SYT9: variants seen among roughly 807,000 people sequenced by gnomAD.
SYT9 encodes the protein synaptotagmin-9.
In SYT9, 22 loss-of-function variants were observed where a neutral mutation model predicts 48.4. That is an observed-to-expected ratio of 0.45 (90% CI 0.32 to 0.65). The LOEUF is 0.65. Ranked by LOEUF, SYT9 falls within the 30% of genes least tolerant of loss-of-function variation. The pLI is 0.03. For synonymous variants in SYT9, 265 were observed against 245.0 expected (o/e 1.08, Z -0.76); for missense variants, 577 against 622.0 (o/e 0.93, Z 0.77).
At chr11:7,349,704 A>G (rs1197867843) in intron 3 of SYT9, among the ~76,000 whole-genome samples, 2 of 152,164 alleles carry the variant, frequency 1.3e-5, no homozygotes, top group Non-Finnish European at 2.9e-5. Context: ...CTTAATTTTC[A>G]CAGAAGTGAA....
At chr11:7,239,031 C>T (rs1033703861) in intron 1 of SYT9, 24 of 431,156 alleles carry the variant, frequency 5.6e-5, no homozygotes, top group Non-Finnish European at 1.1e-4. Context: ...GCTGACAGAA[C>T]ATGGATATTG....
rs751365808 is a variant in SYT9, at chr11:7,303,205, A to T, written c.312A>T (p.Thr104=). The T allele has an allele frequency of 5.0e-6, 8 of 1,614,056 alleles. No homozygotes were observed. Among genetic ancestry groups the T allele is most frequent in the Non-Finnish European group, 6.8e-6 (8 of 1,180,042 alleles). Residue 104 remains threonine (T), a synonymous_variant, in exon 2 of 7, where the codon ACA becomes ACT. Transcript: ENST00000318881. ...AGGAGCCCCTTAACTACATGGACACAGAGACCAATGAGCAGGAGAACAGTG... is the reference window on the plus strand; with the variant it reads ...AGGAGCCCCTTAACTACATGGACACTGAGACCAATGAGCAGGAGAACAGTG... ...NNQEPLNYMD[T]ETNEQENSED...
In SYT9 at chr11:7,468,251, G is replaced by A; in HGVS notation, c.*1451G>A. 2 of 398,646 alleles carry A rather than the reference G, an allele frequency of 5.0e-6. No individual in the cohort carries two copies. Among genetic ancestry groups the A allele is most frequent in the Non-Finnish European group, 8.8e-6 (2 of 226,078 alleles). The allele number at this position is 398,646 out of a possible 1,614,324, so 24.7% of individuals were successfully genotyped here. A position where few individuals can be genotyped will look rare whatever the true frequency, so the allele number is the denominator to read the frequency against. On this transcript the variant is annotated 3_prime_UTR_variant, in exon 7 of 7. Coordinates refer to ENST00000318881, the MANE Select transcript of SYT9 (RefSeq NM_175733.4). ...TCAGCATGGAACTAACTGGGCGGAG[G>A]AAGGATCGTTATACGTCTTCAGAAA...
intron 3 of SYT9, among the ~76,000 whole-genome samples, chr11:7,405,027 C>G (rs1300147890): frequency 6.6e-6 from 1 of 151,214 alleles, no homozygotes; most frequent in Non-Finnish European, 1.5e-5. Flanking sequence ...GTTTTTCTTC[C>G]CCTTGTGCTT....
intron 6 of SYT9, among the ~76,000 whole-genome samples, chr11:7,430,378 A>C (rs1347587123): frequency 6.6e-6 from 1 of 152,230 alleles, no homozygotes; most frequent in Non-Finnish European, 1.5e-5. Flanking sequence ...TATATGGTAC[A>C]CTATGATGAG....
intron 1 of SYT9, among the ~76,000 whole-genome samples, chr11:7,240,791 CTCT>C (rs1466426034): frequency 6.6e-6 from 1 of 151,858 alleles, no homozygotes; most frequent in Non-Finnish European, 1.5e-5. Context: ...TAAGATATAC[CTCT>C]TCTTCTAATT....
intron 1 of SYT9, among the ~76,000 whole-genome samples, chr11:7,292,688 T>C (rs534470684): frequency 2.0e-4 from 31 of 152,340 alleles, no homozygotes; most frequent in African/African-American, 6.7e-4. Context: ...GGTCTAAAAC[T>C]CTGCACATCA....
chr11:7,423,992 CAG>C (rs201281570), intron 6 of SYT9, among the ~76,000 whole-genome samples: 7 of 152,042 alleles, frequency 4.6e-5, no homozygotes. Context: ...GTATGGAAGA[CAG>C]AGAGAGAGGG....
At chr11:7,301,456 G>A (rs952179737) in intron 1 of SYT9, among the ~76,000 whole-genome samples, 1 of 152,126 alleles carries the variant, frequency 6.6e-6, no homozygotes, top group Non-Finnish European at 1.5e-5. Flanking sequence ...TTGCAGGAGG[G>A]GTTCCCATGC....
At chr11:7,452,231 T>C (rs1848069130) in intron 6 of SYT9, among the ~76,000 whole-genome samples, 2 of 152,164 alleles carry the variant, frequency 1.3e-5, no homozygotes, top group Non-Finnish European at 2.9e-5. Context: ...AATTAACATG[T>C]AGAAAATCTA....
intron 3 of SYT9, among the ~76,000 whole-genome samples, chr11:7,317,594 A>G (rs767887873): frequency 2.6e-4 from 40 of 152,156 alleles, no homozygotes; most frequent in African/African-American, 5.6e-4. Flanking sequence ...CAAAAGCTTC[A>G]TTTCCAAATA....
chr11:7,278,184 A>G (rs1848432465), intron 1 of SYT9, among the ~76,000 whole-genome samples: 1 of 152,128 alleles, frequency 6.6e-6, no homozygotes, highest in Non-Finnish European at 1.5e-5. Context: ...TGAGCATGCT[A>G]ATGTGTTAGC....
chr11:7,374,536 A>G (rs1850419369), intron 3 of SYT9, among the ~76,000 whole-genome samples: 1 of 152,226 alleles, frequency 6.6e-6, no homozygotes, highest in Non-Finnish European at 1.5e-5. Context: ...ATTCCCACCA[A>G]CAGAGTAAAA....
intron 3 of SYT9, among the ~76,000 whole-genome samples, chr11:7,385,374 G>C (rs1001704838): frequency 6.6e-6 from 1 of 151,952 alleles, no homozygotes; most frequent in Admixed American, 6.6e-5. Context: ...GTGTGTGCGT[G>C]TGTGTCCATG....
intron 3 of SYT9, among the ~76,000 whole-genome samples, chr11:7,347,911 G>A (rs962495289): frequency 1.3e-5 from 2 of 152,156 alleles, no homozygotes; most frequent in Admixed American, 1.3e-4. Flanking sequence ...GCTGGCAGAA[G>A]GCTAAGTCTG....
chr11:7,279,360 C>A (rs538743377), intron 1 of SYT9, among the ~76,000 whole-genome samples: 1 of 151,708 alleles, frequency 6.6e-6, no homozygotes, highest in Admixed American at 6.6e-5. Flanking sequence ...TCTTTTTTTC[C>A]GTTGAGAACA....
chr11:7,422,873 G>A (rs1478781212), intron 6 of SYT9, among the ~76,000 whole-genome samples: 1 of 152,212 alleles, frequency 6.6e-6, no homozygotes, highest in African/African-American at 2.4e-5. Context: ...TTCCTTCACT[G>A]TGGAGAAAAA....
At chr11:7,258,593 A>G (rs1425679901) in intron 1 of SYT9, among the ~76,000 whole-genome samples, 3 of 152,156 alleles carry the variant, frequency 2.0e-5, no homozygotes, top group Non-Finnish European at 4.4e-5. Context: ...CATCAAGATG[A>G]CAAAGTGGAA....
At chr11:7,445,427 T>C (rs1847908507) in intron 6 of SYT9, among the ~76,000 whole-genome samples, 1 of 152,064 alleles carries the variant, frequency 6.6e-6, no homozygotes, top group South Asian at 2.1e-4. Flanking sequence ...TTGACTTCCC[T>C]TGGGGATGGT....
Sources: allele counts gnomAD v4.1 joint callset (sites outside exome capture counted in the v4.1 genomes callset), GRCh38; gene constraint gnomAD v4.1.1; transcripts MANE v1.5; gene names NCBI Gene and HGNC (gene_info 2026-07-23, HGNC 2026-07-21).